TAF4: variants seen among roughly 807,000 people sequenced by gnomAD.
TAF4 encodes the protein TATA-box binding protein associated factor 4.
Under a neutral mutation model 90.3 loss-of-function variants are expected in TAF4, and 9 were observed. The observed-to-expected ratio is 0.10, with a 90% confidence interval of 0.06 to 0.17. The LOEUF (loss-of-function observed/expected upper bound fraction) is 0.17, where lower values mean the gene tolerates loss of function less well. TAF4 is among the 10% of genes least tolerant of loss of function. The probability of loss-of-function intolerance (pLI) is 1.00; values close to 1 mark genes in which losing one functional copy is unlikely to be tolerated. For missense variants in TAF4, 1,351 were observed against 1,370.7 expected (o/e 0.99, Z 0.23); for synonymous variants, 818 against 638.9 (o/e 1.28, Z -4.23).
In TAF4 at chr20:61,997,029, T is replaced by TA. The variant is rs143073491; in HGVS notation, c.3090+520dup. The stretch of plus-strand genomic sequence containing the variant: ...GTTTTCTTTCTTCCTGTAATTTACT[T>TA]AAAAAAAAACAACTGACAGTTGAAA... On this transcript the variant is annotated intron_variant, in intron 14 of 14. Coordinates refer to ENST00000252996, the MANE Select transcript of TAF4 (RefSeq NM_003185.4). Among the ~76,000 whole-genome samples, 988 of 151,080 alleles carry TA rather than the reference T, an allele frequency of 6.5e-3. 12 individuals carry two copies. The highest frequency in any genetic ancestry group is 0.022 in the African/African-American group (917 of 41,154).
chr20:61,990,552 C>A (rs2055625125), intron 14 of TAF4, among the ~76,000 whole-genome samples: 1 of 152,178 alleles, frequency 6.6e-6, no homozygotes. Context: ...CGGGCCTGGA[C>A]CCAGGAGCCA....
At chr20:61,993,459 G>A (rs191014970) in intron 14 of TAF4, among the ~76,000 whole-genome samples, 15 of 152,288 alleles carry the variant, frequency 9.8e-5, no homozygotes, top group African/African-American at 3.4e-4. Context: ...TCCTTCAACC[G>A]ACAAGTTGTA....
intron 14 of TAF4, among the ~76,000 whole-genome samples, chr20:61,992,170 A>C (rs923968126): frequency 6.6e-6 from 1 of 152,224 alleles, no homozygotes; most frequent in African/African-American, 2.4e-5. Flanking sequence ...TCACGGCATT[A>C]AACATGTCAT....
At chr20:62,030,874 C>A (rs997371151) in intron 1 of TAF4, among the ~76,000 whole-genome samples, 1 of 152,214 alleles carries the variant, frequency 6.6e-6, no homozygotes, top group African/African-American at 2.4e-5. Flanking sequence ...GGAGGCTCTC[C>A]GTACCCCACC....
intron 1 of TAF4, among the ~76,000 whole-genome samples, chr20:62,018,606 G>T (rs912856437): frequency 6.6e-6 from 1 of 152,166 alleles, no homozygotes; most frequent in South Asian, 2.1e-4. Context: ...CAGGGCGGAG[G>T]GTTCTGTCTG....
Position 62,065,817 on chromosome 20 carries a change from TC to T in TAF4, c.-8del. ...GATCCGAGCCCGCCGCCATCTTTTT[TC>T]CTCGGCCGCCGCCGCCGCCGCCGCT... On this transcript the variant is annotated 5_prime_UTR_variant, in exon 1 of 15. Transcript: ENST00000252996. 7.8e-7 allele frequency: 1 copy of T among 1,274,546 alleles called. No individual in the cohort carries two copies. The allele number at this position is 1,274,546 out of a possible 1,614,324, so 79.0% of individuals were successfully genotyped here. A position where few individuals can be genotyped will look rare whatever the true frequency, so the allele number is the denominator to read the frequency against.
chr20:61,983,222 G>A (rs1180888937), intron 14 of TAF4, among the ~76,000 whole-genome samples: 2 of 150,854 alleles, frequency 1.3e-5, no homozygotes, highest in Non-Finnish European at 2.9e-5. Flanking sequence ...TGAGACAGGA[G>A]ACCAGGGCGT....
In TAF4 at chr20:62,064,458, C is replaced by T. The variant is rs1231658996; in HGVS notation, c.1353G>A (p.Leu451=). 1.4e-6 allele frequency: 2 copies of T among 1,444,068 alleles called. No individual in the cohort carries two copies. Among genetic ancestry groups the T allele is most frequent in the African/African-American group, 1.5e-5 (1 of 68,580 alleles). The allele number at this position is 1,444,068 out of a possible 1,614,324, so 89.5% of individuals were successfully genotyped here. A position where few individuals can be genotyped will look rare whatever the true frequency, so the allele number is the denominator to read the frequency against. Residue 451 remains leucine (L), a synonymous_variant, in exon 1 of 15, where the codon CTG becomes CTA. Transcript: ENST00000252996. ...CCCCGTGCGGCCACTCACCTGGGGG[C>T]AGCTGGAAGTTCTGGATGTTGGTCG... ...QNPTNIQNFQ[L]PPGMVLVRSE...
intron 14 of TAF4, among the ~76,000 whole-genome samples, chr20:61,993,066 G>A (rs1361882348): frequency 1.3e-5 from 2 of 152,148 alleles, no homozygotes; most frequent in African/African-American, 2.4e-5. Context: ...TTTACCCTGC[G>A]TCTCCTCTAT....
In TAF4 at chr20:61,975,420, T is replaced by C. The variant is rs1042121107; in HGVS notation, c.*748A>G. The C allele has an allele frequency of 5.9e-5, 9 of 152,354 alleles. No individual in the cohort carries two copies. Among genetic ancestry groups the C allele is most frequent in the Admixed American group, 4.6e-4 (7 of 15,256 alleles). The allele number at this position is 152,354 out of a possible 1,614,324, so 9.4% of individuals were successfully genotyped here. ...TTTCACTTTTAGCTAAAAAACACAG[T>C]GCAAGTAAAATATATTTATGCTGAA... On this transcript the variant is annotated 3_prime_UTR_variant, in exon 15 of 15. Coordinates refer to ENST00000252996, the MANE Select transcript of TAF4 (RefSeq NM_003185.4).
chr20:62,013,574 G>C (rs777945076), intron 2 of TAF4, among the ~76,000 whole-genome samples: 1 of 152,204 alleles, frequency 6.6e-6, no homozygotes, highest in Non-Finnish European at 1.5e-5. Flanking sequence ...GGCAGCCTCC[G>C]GCACGTCCGT....
intron 1 of TAF4, among the ~76,000 whole-genome samples, chr20:62,047,816 C>T (rs989699004): frequency 3.9e-5 from 6 of 152,248 alleles, no homozygotes; most frequent in Non-Finnish European, 5.9e-5. Flanking sequence ...TACAAACGCA[C>T]GCTATCCAAT....
intron 3 of TAF4, 87 bp downstream of exon 3, chr20:62,012,728 A>C (rs1363192886): frequency 3.7e-6 from 5 of 1,354,764 alleles, no homozygotes; most frequent in Non-Finnish European, 4.7e-6. Context: ...AAAAAAAAAA[A>C]AAACTCCTAA....
intron 14 of TAF4, among the ~76,000 whole-genome samples, chr20:61,995,114 G>C (rs2055655281): frequency 6.6e-6 from 1 of 152,172 alleles, no homozygotes; most frequent in Non-Finnish European, 1.5e-5. Flanking sequence ...CCGCCTGCAA[G>C]AATCAACTCT....
chr20:62,000,548 G>A lies in TAF4; in HGVS notation c.2656+4C>T, dbSNP rs374264512. ...AAGAACTCAGTCATTAAACACCAAC[G>A]TACCTATTTCTAATATTCTTCTCTG... is the stretch of plus-strand genomic sequence containing the variant. On this transcript the variant is annotated splice_donor_region_variant and intron_variant, in intron 10 of 14. Coordinates refer to ENST00000252996, the MANE Select transcript of TAF4 (RefSeq NM_003185.4). 15 of 1,611,280 alleles carry A rather than the reference G, an allele frequency of 9.3e-6. No homozygotes were observed. The highest frequency in any genetic ancestry group is 2.7e-5 in the African/African-American group (2 of 74,840).
In TAF4 at chr20:61,995,186, G is replaced by C. The variant is rs184459046; in HGVS notation, c.3090+2364C>G. Among the ~76,000 whole-genome samples, 99 of 152,350 alleles carry C rather than the reference G, an allele frequency of 6.5e-4. 1 individual carries two copies. The highest frequency in any genetic ancestry group is 1.3e-3 in the Non-Finnish European group (87 of 68,036). ...AAGCATGAGACATGCAAGGAGACAA[G>C]AAAGTGTGCAAGGCCGAGGAAAACA... On this transcript the variant is annotated intron_variant, in intron 14 of 14. Coordinates refer to ENST00000252996, the MANE Select transcript of TAF4 (RefSeq NM_003185.4).
intron 1 of TAF4, among the ~76,000 whole-genome samples, chr20:62,033,558 G>A (rs1011393937): frequency 2.6e-5 from 4 of 152,112 alleles, no homozygotes; most frequent in Admixed American, 6.5e-5. Context: ...CTAACATGGC[G>A]AAACCCCGTC....
chr20:62,064,731 G>C lies in TAF4; in HGVS notation c.1080C>G (p.Thr360=), dbSNP rs1478387558. The change falls in exon 1 of 15, where the codon ACC becomes ACG. Residue 360 remains threonine (T), a synonymous_variant. Coordinates refer to ENST00000252996, the MANE Select transcript of TAF4 (RefSeq NM_003185.4). ...VVQAAPPAAQ[T]LAASGPASTA... ...TGCTGGCCGGGCCGCTGGCCGCCAG[G>C]GTCTGCGCCGCCGGGGGCGCCGCCT... is the stretch of plus-strand genomic sequence containing the variant. The C allele has an allele frequency of 2.5e-6, 3 of 1,205,122 alleles. No individual in the cohort carries two copies. The highest frequency in any genetic ancestry group is 3.4e-5 in the South Asian group (1 of 29,364). 74.7% of individuals were successfully genotyped at this position (1,205,122 alleles called of 1,614,324 possible). A position where few individuals can be genotyped will look rare whatever the true frequency, so the allele number is the denominator to read the frequency against.
At chr20:62,048,701 G>A (rs1431861597) in intron 1 of TAF4, among the ~76,000 whole-genome samples, 6 of 147,802 alleles carry the variant, frequency 4.1e-5, no homozygotes, top group Non-Finnish European at 7.5e-5. Context: ...TGCCCACCTC[G>A]GTCCCTGGGC....
Sources: allele counts gnomAD v4.1 joint callset (sites outside exome capture counted in the v4.1 genomes callset), GRCh38; gene constraint gnomAD v4.1.1; transcripts MANE v1.5; gene names NCBI Gene and HGNC (gene_info 2026-07-23, HGNC 2026-07-21).